The following KIAA1217 variants were observed in gnomAD, a reference collection of about 807,000 sequenced individuals.
KIAA1217 encodes the protein KIAA1217.
KIAA1217 carries 88 observed loss-of-function variants against 163.9 expected under a neutral mutation model. That is an observed-to-expected ratio of 0.54 (90% CI 0.45 to 0.64). The LOEUF (loss-of-function observed/expected upper bound fraction) is 0.64. Among genes scored for constraint, KIAA1217 ranks in the 30% least tolerant of loss-of-function variants. The pLI is 0.00. For synonymous variants in KIAA1217, 903 were observed against 923.1 expected (o/e 0.98, Z 0.39); for missense variants, 2,372 against 2,475.0 (o/e 0.96, Z 0.88).
chr10:24,506,568 G>A (rs980750092), intron 9 of KIAA1217, among the ~76,000 whole-genome samples: 1 of 152,164 alleles, frequency 6.6e-6, no homozygotes, highest in African/African-American at 2.4e-5. Flanking sequence ...TAGCTATGAG[G>A]AATAACTGCA....
intron 2 of KIAA1217, among the ~76,000 whole-genome samples, chr10:24,109,902 G>A (rs1221916925): frequency 6.6e-6 from 1 of 152,248 alleles, no homozygotes; most frequent in African/African-American, 2.4e-5. Flanking sequence ...GTCTCGCTCT[G>A]TTGCCCAGGC....
At chr10:24,490,771 A>G (rs1592352972) in intron 6 of KIAA1217, among the ~76,000 whole-genome samples, 1 of 152,098 alleles carries the variant, frequency 6.6e-6, no homozygotes, top group East Asian at 1.9e-4. Context: ...CAAGCATCTG[A>G]ACTCTCCAGG....
At position 24,531,905 on chromosome 10, in the gene KIAA1217, G is replaced by C; in HGVS notation, c.3158G>C (p.Arg1053Pro). The C allele has an allele frequency of 6.2e-7, 1 of 1,610,568 alleles. No homozygotes were observed. The highest frequency in any genetic ancestry group is 8.5e-7 in the Non-Finnish European group (1 of 1,177,976). Residue 1053 changes from arginine to proline, a missense_variant, in exon 15 of 21, where the codon CGT becomes CCT. Coordinates refer to ENST00000376454, the MANE Select transcript of KIAA1217 (RefSeq NM_019590.5). ...CCCCCTCCTCCTCCGCCACCTCCTC[G>C]TCGAAGCTACCTGCCAGGATCGGGA... ...KSPPPPPPPP[R>P]RSYLPGSGLT...
At chr10:23,782,191 A>T (rs918930973) in intron 1 of KIAA1217, among the ~76,000 whole-genome samples, 7 of 152,176 alleles carry the variant, frequency 4.6e-5, no homozygotes, top group African/African-American at 1.7e-4. Flanking sequence ...TCAACAATTC[A>T]TGAATATGAA....
At chr10:24,440,029 T>C (rs1255262461) in intron 5 of KIAA1217, among the ~76,000 whole-genome samples, 1 of 152,196 alleles carries the variant, frequency 6.6e-6, no homozygotes, top group African/African-American at 2.4e-5. Context: ...TGGGAGAAGG[T>C]CTGTCCTTCT....
chr10:23,871,622 A>T (rs569869396), intron 1 of KIAA1217, among the ~76,000 whole-genome samples: 7 of 151,326 alleles, frequency 4.6e-5, no homozygotes, highest in African/African-American at 1.4e-4. Context: ...TTACCCAAAC[A>T]TCTCCCCCTT....
intron 2 of KIAA1217, among the ~76,000 whole-genome samples, chr10:24,012,153 T>C (rs1847261220): frequency 6.6e-6 from 1 of 152,194 alleles, no homozygotes; most frequent in African/African-American, 2.4e-5. Context: ...GCAGTTCTGC[T>C]GTGAGCCTTT....
chr10:23,789,981 A>ATG (rs1835676930), intron 1 of KIAA1217, among the ~76,000 whole-genome samples: 1 of 123,654 alleles, frequency 8.1e-6, no homozygotes, highest in Admixed American at 8.5e-5. Flanking sequence ...ATACATATAT[A>ATG]CACATATACA....
chr10:24,450,621 C>T (rs1056387564), intron 5 of KIAA1217, among the ~76,000 whole-genome samples: 2 of 152,106 alleles, frequency 1.3e-5, no homozygotes, highest in African/African-American at 4.8e-5. Flanking sequence ...ATCTTTATCC[C>T]AGTTTATAGA....
intron 2 of KIAA1217, among the ~76,000 whole-genome samples, chr10:24,301,015 G>A (rs1335188095): frequency 6.6e-6 from 1 of 152,132 alleles, no homozygotes; most frequent in Non-Finnish European, 1.5e-5. Flanking sequence ...GTTTCACCAT[G>A]TTGGCCAAGC....
chr10:24,501,947 C>T (rs2067680351), intron 9 of KIAA1217, among the ~76,000 whole-genome samples: 1 of 151,912 alleles, frequency 6.6e-6, no homozygotes, highest in Non-Finnish European at 1.5e-5. Context: ...GACGGGGTTT[C>T]ACCGTGTTAG....
chr10:23,863,762 C>T (rs542288148), intron 1 of KIAA1217, among the ~76,000 whole-genome samples: 2 of 152,102 alleles, frequency 1.3e-5, no homozygotes, highest in African/African-American at 2.4e-5. Context: ...GTAGATTTTA[C>T]CTCTGAGATT....
chr10:24,088,178 A>G (rs1304014038), intron 2 of KIAA1217, among the ~76,000 whole-genome samples: 2 of 120,678 alleles, frequency 1.7e-5, no homozygotes, highest in African/African-American at 5.1e-5. Context: ...AGATGCCTGG[A>G]GGCACATGGA....
intron 2 of KIAA1217, among the ~76,000 whole-genome samples, chr10:24,223,144 C>T (rs2069899517): frequency 6.6e-6 from 1 of 152,074 alleles, no homozygotes; most frequent in Non-Finnish European, 1.5e-5. Context: ...TGATGACCTC[C>T]TATCTCACCC....
At position 24,001,862 on chromosome 10, in the gene KIAA1217, A is replaced by T. The variant is rs1008217395; in HGVS notation, c.-320-5363A>T. Among the ~76,000 whole-genome samples the T allele has an allele frequency of 4.6e-5, 7 of 152,352 alleles. 1 individual carries two copies. In the South Asian group the frequency reaches 1.4e-3, roughly 32 times the overall value. ...AGGAGTTTGCTATGGTTTTCACAGA[A>T]GAAAGAGTGCTGCTCTGGTATCTTG... On this transcript the variant is annotated intron_variant, in intron 1 of 18. Transcript: ENST00000376462.
intron 2 of KIAA1217, among the ~76,000 whole-genome samples, chr10:24,081,165 A>C (rs1475131872): frequency 6.6e-6 from 1 of 152,232 alleles, no homozygotes; most frequent in East Asian, 1.9e-4. Context: ...GGTAAAAACA[A>C]ATAAGCCTGC....
At chr10:23,883,882 C>T (rs533376172) in intron 1 of KIAA1217, among the ~76,000 whole-genome samples, 1 of 152,048 alleles carries the variant, frequency 6.6e-6, no homozygotes, top group East Asian at 1.9e-4. Context: ...TTGTATGTCT[C>T]TGACTGGCTT....
intron 2 of KIAA1217, among the ~76,000 whole-genome samples, chr10:24,244,972 A>G (rs1371433151): frequency 6.6e-6 from 1 of 152,126 alleles, no homozygotes; most frequent in African/African-American, 2.4e-5. Context: ...ACAAGAGCCA[A>G]TGTGAAATAT....
intron 10 of KIAA1217, among the ~76,000 whole-genome samples, chr10:24,514,216 A>C (rs2134307037): frequency 6.6e-6 from 1 of 152,336 alleles, no homozygotes; most frequent in Admixed American, 6.5e-5. Context: ...TTTTAGTATA[A>C]TGAATAGTAA....
Sources: gnomAD v4.1 joint callset for allele counts (sites outside exome capture counted in the v4.1 genomes callset) on GRCh38, gnomAD v4.1.1 for gene constraint, MANE v1.5 for transcripts, NCBI Gene and HGNC (gene_info 2026-07-23, HGNC 2026-07-21) for gene names.